HIVEP1: variants seen among roughly 807,000 people sequenced by gnomAD.
HIVEP1 encodes the protein zinc finger protein 40.
A neutral mutation model predicts 180.0 loss-of-function variants in HIVEP1; 36 were observed. The observed-to-expected ratio is 0.20, with a 90% CI of 0.15 to 0.26. HIVEP1 has a LOEUF of 0.26. HIVEP1 is among the 10% of genes least tolerant of loss of function. HIVEP1 has a pLI of 1.00. For synonymous variants in HIVEP1, 1,239 were observed against 1,239.0 expected (o/e 1.00, Z 0.00); for missense variants, 3,143 against 3,268.7 (o/e 0.96, Z 0.94).
At chr6:12,047,008 C>T (rs1770183979) in intron 2 of HIVEP1, among the ~76,000 whole-genome samples, 1 of 151,390 alleles carries the variant, frequency 6.6e-6, no homozygotes, top group South Asian at 2.1e-4. Flanking sequence ...TTACAGGTGT[C>T]CACCACCACG....
chr6:12,158,976 G>A (rs1760229341), intron 7 of HIVEP1, among the ~76,000 whole-genome samples: 1 of 152,168 alleles, frequency 6.6e-6, no homozygotes, highest in Non-Finnish European at 1.5e-5. Context: ...TAGATCCTGT[G>A]TGAGAATGTA....
At chr6:12,116,126 C>G (rs1217964550) in intron 3 of HIVEP1, among the ~76,000 whole-genome samples, 1 of 151,936 alleles carries the variant, frequency 6.6e-6, no homozygotes, top group African/African-American at 2.4e-5. Flanking sequence ...GATATAGCCA[C>G]AAGGTTTGAT....
chr6:12,108,765 C>T (rs867342601), intron 3 of HIVEP1, among the ~76,000 whole-genome samples: 2 of 152,186 alleles, frequency 1.3e-5, no homozygotes, highest in South Asian at 4.1e-4. Context: ...CCCGCTCGCG[C>T]CTCTCCCTCC....
At chr6:12,180,354 T>C in the HIVEP1 span, among the ~76,000 whole-genome samples, 1 of 152,240 alleles carries the variant, frequency 6.6e-6, no homozygotes, top group Non-Finnish European at 1.5e-5. Flanking sequence ...TCTCGGCATA[T>C]ACATTTGCAG....
At chr6:12,050,818 A>G (rs1289114879) in intron 2 of HIVEP1, among the ~76,000 whole-genome samples, 1 of 150,698 alleles carries the variant, frequency 6.6e-6, no homozygotes, top group Non-Finnish European at 1.5e-5. Flanking sequence ...CTTTGCTCCT[A>G]CTTTTGGGGG....
chr6:12,147,469 G>A (rs1255394709), intron 7 of HIVEP1, among the ~76,000 whole-genome samples: 1 of 152,144 alleles, frequency 6.6e-6, no homozygotes. Context: ...GGAGACAAAA[G>A]ATTATAGGGC....
In HIVEP1 at chr6:12,123,705, A is replaced by G. The variant is rs755810078; in HGVS notation, c.3910A>G (p.Arg1304Gly). ...TESSFDSTLS[R>G]SLSRESSLSH... Reference sequence around the variant, plus strand: ...ATCGAGCTTTGATTCCACTCTCTCCAGGAGTCTAAGTAGGGAGAGCAGTTT... The same window carrying G: ...ATCGAGCTTTGATTCCACTCTCTCCGGGAGTCTAAGTAGGGAGAGCAGTTT... The change falls in exon 4 of 9, where the codon AGG (arginine) becomes GGG (glycine). Residue 1304 changes from arginine to glycine, a missense_variant. Physicochemically the swap from Arg to Gly is moderately radical, Grantham distance 125. This residue lies in a region of HIVEP1 where 1,357 missense variants were observed against 1,260.5 expected (regional missense o/e 1.08). Coordinates refer to ENST00000379388, the MANE Select transcript of HIVEP1 (RefSeq NM_002114.4). 9.9e-6 allele frequency: 16 copies of G among 1,613,908 alleles called. No homozygotes were observed. Among genetic ancestry groups the G allele is most frequent in the Admixed American group, 3.3e-5 (2 of 59,984 alleles).
At chr6:12,101,279 A>G (rs116695659) in intron 3 of HIVEP1, among the ~76,000 whole-genome samples, 1,596 of 152,202 alleles carry the variant, frequency 0.01, 29 homozygotes, top group African/African-American at 0.036. Context: ...GAAGGTTAGT[A>G]TAACAAATAC....
intron 2 of HIVEP1, among the ~76,000 whole-genome samples, chr6:12,071,271 C>G (rs1239785204): frequency 6.6e-6 from 1 of 152,144 alleles, no homozygotes; most frequent in Non-Finnish European, 1.5e-5. Flanking sequence ...ATGTGCAGTG[C>G]TGAAAGTGGG....
the HIVEP1 span, among the ~76,000 whole-genome samples, chr6:12,172,311 G>A: frequency 6.6e-6 from 1 of 152,002 alleles, no homozygotes; most frequent in Non-Finnish European, 1.5e-5. Context: ...TTCTTTTGAG[G>A]TGCTAGATTG....
At chr6:12,205,363 T>G in the HIVEP1 span, among the ~76,000 whole-genome samples, 31 of 151,576 alleles carry the variant, frequency 2.0e-4, no homozygotes, top group African/African-American at 6.8e-4. Context: ...CCCAGCTACT[T>G]GGGAGGCTGA....
chr6:12,124,311 G>A lies in HIVEP1; in HGVS notation c.4516G>A (p.Val1506Ile), dbSNP rs769838402. ...CTCCAGCTCTACCAACGTTTTTCCT[G>A]TTCAACAGCTCTGTGATATCAATTT... Reference protein sequence around the residue: ...SNSSSTNVFPVQQLCDINLLN... With the variant: ...SNSSSTNVFPIQQLCDINLLN... The change falls in exon 4 of 9, where the codon GTT becomes ATT. Residue 1506 changes from valine to isoleucine, a missense_variant. Around this residue, in one of 12 missense-constraint regions of HIVEP1, gnomAD observed 1,357 missense variants for 1,260.5 expected, o/e 1.08. Transcript: ENST00000379388. 2.5e-6 allele frequency: 4 copies of A among 1,613,894 alleles called. No individual in the cohort carries two copies. Among genetic ancestry groups the A allele is most frequent in the South Asian group, 1.1e-5 (1 of 91,080 alleles).
intron 2 of HIVEP1, among the ~76,000 whole-genome samples, chr6:12,057,482 C>G (rs1421147347): frequency 6.6e-6 from 1 of 152,124 alleles, no homozygotes; most frequent in African/African-American, 2.4e-5. Flanking sequence ...GGTATATGGT[C>G]TAGAGATGAT....
At chr6:12,038,517 C>CA (rs1439077067) in intron 2 of HIVEP1, 1 of 152,246 alleles carries the variant, frequency 6.6e-6, no homozygotes, top group East Asian at 1.9e-4. Context: ...ACTAAAAATA[C>CA]AAAAATTAGC....
chr6:12,078,934 G>T, intron 2 of HIVEP1, among the ~76,000 whole-genome samples: 1 of 152,108 alleles, frequency 6.6e-6, no homozygotes, highest in Non-Finnish European at 1.5e-5. Flanking sequence ...GTGCCCGTGT[G>T]TGTGCGTGCG....
In HIVEP1 at chr6:12,125,701, C is replaced by T. The variant is rs199635627; in HGVS notation, c.5906C>T (p.Thr1969Ile). The change falls in exon 4 of 9, where the codon ACA (threonine) becomes ATA (isoleucine). Residue 1969 changes from threonine to isoleucine, a missense_variant. Physicochemically the swap from Thr to Ile is moderately conservative, Grantham distance 89. Around this residue, in one of 12 missense-constraint regions of HIVEP1, gnomAD observed 1,357 missense variants for 1,260.5 expected, o/e 1.08. Transcript: ENST00000379388. Reference protein sequence around the residue: ...DQKTSAYTDWTVSASNPNPLG... With the variant: ...DQKTSAYTDWIVSASNPNPLG... ...AAAACTTCAGCCTATACTGATTGGA[C>T]AGTAAGCGCCAGTAATCCAAATCCA... The T allele has an allele frequency of 1.9e-6, 3 of 1,614,194 alleles. No individual in the cohort carries two copies. The highest frequency in any genetic ancestry group is 2.5e-6 in the Non-Finnish European group (3 of 1,180,034).
chr6:12,175,323 A>C, the HIVEP1 span, among the ~76,000 whole-genome samples: 1 of 152,156 alleles, frequency 6.6e-6, no homozygotes. Flanking sequence ...CAAATTATTT[A>C]TTTTCTGTGC....
At chr6:12,082,605 A>G (rs9366972) in intron 2 of HIVEP1, among the ~76,000 whole-genome samples, 7,659 of 152,222 alleles carry the variant, frequency 0.05, 204 homozygotes, top group South Asian at 0.1. Flanking sequence ...ACTCTTTACC[A>G]CTAGACTCTG....
intron 6 of HIVEP1, among the ~76,000 whole-genome samples, 159 bp from the exon 7 acceptor site, chr6:12,135,632 A>G (rs898707954): frequency 6.6e-6 from 1 of 152,262 alleles, no homozygotes; most frequent in Non-Finnish European, 1.5e-5. Context: ...GTATTAGAAC[A>G]TATAGATACC....
Sources: gnomAD v4.1 joint callset for allele counts (sites outside exome capture counted in the v4.1 genomes callset) on GRCh38, gnomAD v4.1.1 for gene constraint, gnomAD v4.1.1 regional missense constraint, MANE v1.5 for transcripts, NCBI Gene and HGNC (gene_info 2026-07-23, HGNC 2026-07-21) for gene names.